Variants in ASTN2 observed in about 807,000 individuals in gnomAD.
The protein encoded by ASTN2 is astrotactin-2.
ASTN2 carries 54 observed loss-of-function variants against 139.8 expected under a neutral mutation model. That is an observed-to-expected ratio of 0.39 (90% CI 0.31 to 0.48). The LOEUF (loss-of-function observed/expected upper bound fraction) is 0.48. Ranked by LOEUF, ASTN2 falls within the 20% of genes least tolerant of loss-of-function variation. ASTN2 has a pLI of 0.95. For missense variants in ASTN2, 1,565 were observed against 1,725.1 expected (o/e 0.91, Z 1.64); for synonymous variants, 756 against 719.5 (o/e 1.05, Z -0.81).
chr9:117,336,854 G>A (rs879516671), intron 1 of ASTN2, among the ~76,000 whole-genome samples: 4 of 152,082 alleles, frequency 2.6e-5, no homozygotes, highest in Non-Finnish European at 5.9e-5. Flanking sequence ...CCCAGAACTC[G>A]AAGCTTTAGC....
At chr9:116,680,116 T>C (rs1475335153) in intron 16 of ASTN2, among the ~76,000 whole-genome samples, 1 of 152,004 alleles carries the variant, frequency 6.6e-6, no homozygotes, top group East Asian at 1.9e-4. Context: ...ACAAAATTGA[T>C]AGACCACTAG....
At chr9:117,242,021 T>G (rs1433805002) in intron 2 of ASTN2, among the ~76,000 whole-genome samples, 1 of 141,986 alleles carries the variant, frequency 7.0e-6, no homozygotes, top group African/African-American at 2.6e-5. Flanking sequence ...TTTTTTTTTT[T>G]TTTTTTTTTT....
chr9:116,917,668 CT>C (rs1215238305), intron 10 of ASTN2, among the ~76,000 whole-genome samples: 1 of 152,134 alleles, frequency 6.6e-6, no homozygotes, highest in Admixed American at 6.5e-5. Context: ...ACATTAATGA[CT>C]TATAAATACT....
In ASTN2 at chr9:116,620,244, T is replaced by G. The variant is rs553989704; in HGVS notation, c.3206+66A>C. ...AGCAGAAGCAAGTCATGGCATGGGC[T>G]GGCAGGACAGGAGTGTGAGTCCACG... On this transcript the variant is annotated intron_variant, in intron 18 of 22. Transcript: ENST00000313400. The G allele has an allele frequency of 1.9e-6, 3 of 1,608,344 alleles. No homozygotes were observed. The South Asian group carries it at 3.3e-5, about 18-fold the overall frequency.
chr9:116,445,532 C>T (rs1847961072), intron 20 of ASTN2, among the ~76,000 whole-genome samples: 1 of 152,092 alleles, frequency 6.6e-6, no homozygotes. Context: ...CTTCCTTCAC[C>T]CAAGAGGGCC....
At chr9:116,483,012 G>A (rs1849223512) in intron 20 of ASTN2, among the ~76,000 whole-genome samples, 1 of 152,218 alleles carries the variant, frequency 6.6e-6, no homozygotes. Flanking sequence ...ATTACCTTGG[G>A]TAATAGGAAA....
chr9:116,879,135 G>A (rs956404607), intron 10 of ASTN2, among the ~76,000 whole-genome samples: 1 of 152,152 alleles, frequency 6.6e-6, no homozygotes, highest in African/African-American at 2.4e-5. Context: ...GTCCAGCTCA[G>A]CCTCCCTCTG....
At chr9:116,893,293 T>G (rs3849140) in intron 10 of ASTN2, among the ~76,000 whole-genome samples, 150,380 of 152,202 alleles carry the variant, frequency 0.99, 74,321 homozygotes, top group East Asian at 1. Flanking sequence ...TCAAACACAT[T>G]ATTTTCATGG....
chr9:116,803,666 A>C (rs1242671016), intron 13 of ASTN2, among the ~76,000 whole-genome samples: 2 of 150,430 alleles, frequency 1.3e-5, no homozygotes, highest in African/African-American at 4.9e-5. Context: ...CTGGGACTAC[A>C]GGCGCCTGCC....
intron 19 of ASTN2, among the ~76,000 whole-genome samples, chr9:116,495,997 G>A (rs1224697837): frequency 6.6e-6 from 1 of 151,972 alleles, no homozygotes; most frequent in African/African-American, 2.4e-5. Context: ...GGTTTCCATG[G>A]AGCCTTCTTC....
chr9:116,747,505 G>A (rs956834017), intron 13 of ASTN2, among the ~76,000 whole-genome samples: 1 of 152,132 alleles, frequency 6.6e-6, no homozygotes, highest in African/African-American at 2.4e-5. Context: ...TGTGAGTTAG[G>A]TATTATTATC....
intron 13 of ASTN2, among the ~76,000 whole-genome samples, chr9:116,791,815 C>T (rs1336320752): frequency 6.6e-6 from 1 of 152,126 alleles, no homozygotes. Context: ...AGGCTTTCCC[C>T]TTCTAGAAAA....
At chr9:117,352,651 A>C (rs887918218) in intron 1 of ASTN2, among the ~76,000 whole-genome samples, 1 of 152,162 alleles carries the variant, frequency 6.6e-6, no homozygotes, top group Admixed American at 6.6e-5. Context: ...TAGTTTATCC[A>C]ATAATTCTAG....
At chr9:116,435,921 T>G (rs907457025) in intron 22 of ASTN2, among the ~76,000 whole-genome samples, 3 of 152,102 alleles carry the variant, frequency 2.0e-5, no homozygotes, top group South Asian at 4.1e-4. Context: ...ACTGAGTCAA[T>G]TTGGAATGTA....
chr9:116,457,453 C>T (rs1205156336), intron 20 of ASTN2, among the ~76,000 whole-genome samples: 1 of 152,058 alleles, frequency 6.6e-6, no homozygotes, highest in Non-Finnish European at 1.5e-5. Context: ...ATCCATCTGA[C>T]AAGGGATTAA....
At chr9:116,660,079 C>G (rs1371450670) in intron 16 of ASTN2, among the ~76,000 whole-genome samples, 1 of 151,864 alleles carries the variant, frequency 6.6e-6, no homozygotes, top group Non-Finnish European at 1.5e-5. Flanking sequence ...TCCCAGGAAC[C>G]ATAGGGCATT....
intron 20 of ASTN2, among the ~76,000 whole-genome samples, chr9:116,481,606 T>C (rs533217574): frequency 4.6e-5 from 7 of 152,296 alleles, no homozygotes; most frequent in African/African-American, 1.7e-4. Flanking sequence ...TTCACACGTG[T>C]ACACAATCTT....
chr9:116,683,241 T>G (rs1474728948), intron 16 of ASTN2, among the ~76,000 whole-genome samples: 1 of 152,040 alleles, frequency 6.6e-6, no homozygotes, highest in Non-Finnish European at 1.5e-5. Context: ...GGAAAAACTT[T>G]CAAATTGAAG....
intron 19 of ASTN2, among the ~76,000 whole-genome samples, chr9:116,512,549 G>T (rs565211746): frequency 1.3e-5 from 2 of 152,084 alleles, no homozygotes; most frequent in African/African-American, 4.8e-5. Context: ...TCAATTCCTG[G>T]ATATCCTCGT....
Sources: allele counts gnomAD v4.1 joint callset (sites outside exome capture counted in the v4.1 genomes callset), GRCh38; gene constraint gnomAD v4.1.1; transcripts MANE v1.5; gene names NCBI Gene and HGNC (gene_info 2026-07-23, HGNC 2026-07-21).